DENND5B: variants seen among roughly 807,000 people sequenced by gnomAD.
DENND5B encodes the protein DENN domain containing 5B, also known as DENN domain-containing protein 5B.
DENND5B carries 34 observed loss-of-function variants against 140.6 expected under a neutral mutation model. The ratio of observed to expected loss-of-function variants is 0.24; its 90% CI spans 0.18 to 0.32. The LOEUF (loss-of-function observed/expected upper bound fraction) is 0.32, where lower values mean the gene tolerates loss of function less well. DENND5B is among the 10% of genes least tolerant of loss of function. The pLI, the probability that DENND5B is intolerant of heterozygous loss-of-function variation, is 1.00. For synonymous variants in DENND5B, 551 were observed against 562.1 expected (o/e 0.98, Z 0.28); for missense variants, 1,142 against 1,560.2 (o/e 0.73, Z 4.52).
chr12:31,589,985 A>AAC (rs150656458), intron 1 of DENND5B: 1,743 of 152,548 alleles, frequency 0.011, 23 homozygotes, highest in African/African-American at 0.04. Context: ...ACCAGGCACT[A>AAC]ACACACGGTG....
At chr12:31,492,102 A>C (rs1946546569) in intron 2 of DENND5B, among the ~76,000 whole-genome samples, 1 of 152,228 alleles carries the variant, frequency 6.6e-6, no homozygotes, top group Non-Finnish European at 1.5e-5. Flanking sequence ...CCAGGAGTAC[A>C]AGCAAATCCT....
chr12:31,494,201 C>CACCT (rs1448892112), intron 2 of DENND5B, among the ~76,000 whole-genome samples: 3 of 85,902 alleles, frequency 3.5e-5, no homozygotes, highest in Non-Finnish European at 2.5e-5. Flanking sequence ...TCCATCCATC[C>CACCT]ACCTACCTAC....
chr12:31,523,156 T>A (rs1223133801), intron 1 of DENND5B, among the ~76,000 whole-genome samples: 3 of 151,586 alleles, frequency 2.0e-5, no homozygotes, highest in Admixed American at 2.0e-4. Flanking sequence ...CCTCCCAGGT[T>A]CAAGCGATCA....
chr12:31,524,068 C>G (rs942263264), intron 1 of DENND5B, among the ~76,000 whole-genome samples: 3 of 112,432 alleles, frequency 2.7e-5, no homozygotes, highest in Non-Finnish European at 5.1e-5. Flanking sequence ...TTTTTTAGAT[C>G]ATGTCATAGA....
At chr12:31,426,256 G>A in intron 9 of DENND5B, 37 bp downstream of exon 9, 1 of 1,582,866 alleles carries the variant, frequency 6.3e-7, no homozygotes, top group Non-Finnish European at 8.6e-7. Flanking sequence ...GTGTAAACAT[G>A]AATGCACACT....
intron 1 of DENND5B, among the ~76,000 whole-genome samples, chr12:31,497,710 T>TAA (rs1316588851): frequency 7.1e-6 from 1 of 140,512 alleles, no homozygotes; most frequent in South Asian, 2.5e-4. Context: ...GGTGGGCAGA[T>TAA]CACTTGAGAC....
intron 1 of DENND5B, among the ~76,000 whole-genome samples, chr12:31,560,587 T>A (rs1949439901): frequency 6.6e-6 from 1 of 152,148 alleles, no homozygotes; most frequent in Non-Finnish European, 1.5e-5. Flanking sequence ...GCCAGGATGA[T>A]CCTTTTAAAA....
At chr12:31,471,176 G>A (rs1945541897) in intron 3 of DENND5B, among the ~76,000 whole-genome samples, 1 of 152,176 alleles carries the variant, frequency 6.6e-6, no homozygotes, top group African/African-American at 2.4e-5. Flanking sequence ...CTCCCAACGG[G>A]AAAAATTATG....
intron 11 of DENND5B, among the ~76,000 whole-genome samples, chr12:31,418,176 C>T (rs1188156166): frequency 6.6e-6 from 1 of 152,058 alleles, no homozygotes; most frequent in Non-Finnish European, 1.5e-5. Context: ...GGGCACTAGA[C>T]CCATTCATCT....
intron 1 of DENND5B, among the ~76,000 whole-genome samples, chr12:31,584,823 A>T (rs1428227135): frequency 6.6e-6 from 1 of 150,978 alleles, no homozygotes; most frequent in Non-Finnish European, 1.5e-5. Context: ...ACTCTGTCCC[A>T]CACCCCCCAC....
chr12:31,523,076 A>G (rs563875966), intron 1 of DENND5B, among the ~76,000 whole-genome samples: 1 of 137,462 alleles, frequency 7.3e-6, no homozygotes, highest in Admixed American at 7.3e-5. Flanking sequence ...TTTTTTTTTT[A>G]AAGAAAAAGC....
chr12:31,466,085 T>C (rs1334681653), intron 3 of DENND5B, among the ~76,000 whole-genome samples: 5 of 152,028 alleles, frequency 3.3e-5, no homozygotes, highest in Non-Finnish European at 7.4e-5. Context: ...TGAGGCTGGG[T>C]GTGGTGGCTC....
At chr12:31,524,478 C>A (rs1246631805) in intron 1 of DENND5B, among the ~76,000 whole-genome samples, 2 of 152,078 alleles carry the variant, frequency 1.3e-5, no homozygotes, top group African/African-American at 4.8e-5. Flanking sequence ...CATGGTGAAA[C>A]CCCATCTCTA....
chr12:31,424,431 G>T, intron 10 of DENND5B, 104 bp downstream of exon 10: 2 of 1,367,376 alleles, frequency 1.5e-6, no homozygotes, highest in Non-Finnish European at 9.6e-7. Flanking sequence ...GTCCCCTTGT[G>T]ACAAAAGAGC....
intron 2 of DENND5B, among the ~76,000 whole-genome samples, chr12:31,492,434 G>C (rs1001789667): frequency 1.3e-5 from 2 of 152,178 alleles, no homozygotes; most frequent in Non-Finnish European, 2.9e-5. Flanking sequence ...CCAGGCCCCA[G>C]TGATCCTCCC....
chr12:31,427,605 CAAA>C (rs71062431), intron 8 of DENND5B, among the ~76,000 whole-genome samples: 1 of 140,110 alleles, frequency 7.1e-6, no homozygotes. Context: ...GACTCCATCT[CAAA>C]AAAAAAAAAA....
rs989124346 is a variant in DENND5B at position 31,398,219 on chromosome 12, G to A, written c.3212C>T (p.Thr1071Met). Residue 1071 changes from threonine (T) to methionine (M), a missense_variant, in exon 17 of 21, where the codon ACG becomes ATG. Thr to Met is a moderately conservative substitution (Grantham distance 81). This residue lies in a region of DENND5B where 268 missense variants were observed against 349.2 expected (regional missense o/e 0.77). Transcript: ENST00000389082. ...TGAAGTGATGCTCAATCTCCTAGCCGTGGTGGGTGACTTCTGCTGGGGTGG... is the reference window on the plus strand; with the variant it reads ...TGAAGTGATGCTCAATCTCCTAGCCATGGTGGGTGACTTCTGCTGGGGTGG... ...RTPPQQKSPT[T>M]ARRLSITSLT... The A allele has an allele frequency of 1.2e-5, 19 of 1,604,970 alleles. No individual in the cohort carries two copies. The highest frequency in any genetic ancestry group is 4.5e-5 in the South Asian group (4 of 88,922).
At chr12:31,387,856 T>C (rs2137235909) in intron 20 of DENND5B, 70 bp from the exon 21 acceptor site, 1 of 1,484,206 alleles carries the variant, frequency 6.7e-7, no homozygotes, top group Non-Finnish European at 9.2e-7. Flanking sequence ...CACAGTGGAG[T>C]CTGTATGAAT....
At chr12:31,488,581 G>T (rs1946401796) in intron 2 of DENND5B, among the ~76,000 whole-genome samples, 2 of 152,124 alleles carry the variant, frequency 1.3e-5, no homozygotes, top group South Asian at 4.1e-4. Context: ...ATCAAAAAAA[G>T]TAAGAACTAT....
Sources: gnomAD v4.1 joint callset for allele counts (sites outside exome capture counted in the v4.1 genomes callset) on GRCh38, gnomAD v4.1.1 for gene constraint, gnomAD v4.1.1 regional missense constraint, MANE v1.5 for transcripts, NCBI Gene and HGNC (gene_info 2026-07-23, HGNC 2026-07-21) for gene names.